KTN1: variants seen among roughly 807,000 people sequenced by gnomAD.
The protein encoded by KTN1 is kinectin 1.
KTN1 carries 130 observed loss-of-function variants against 222.5 expected under a neutral mutation model. The observed-to-expected ratio is 0.58, with a 90% confidence interval of 0.51 to 0.68. KTN1 has a LOEUF of 0.68. KTN1 is among the 30% of genes least tolerant of loss of function. The pLI is 0.00. For missense variants in KTN1, 1,508 were observed against 1,500.4 expected (o/e 1.01, Z -0.08); for synonymous variants, 512 against 496.3 (o/e 1.03, Z -0.42).
At chr14:55,677,627 T>C (rs944474324) in intron 41 of KTN1, among the ~76,000 whole-genome samples, 1 of 152,188 alleles carries the variant, frequency 6.6e-6, no homozygotes, top group Admixed American at 6.5e-5. Flanking sequence ...ATCCCAAAGC[T>C]TTTTTAGGGT....
intron 28 of KTN1, 72 bp downstream of exon 28, chr14:55,653,668 T>A: frequency 9.0e-7 from 1 of 1,115,608 alleles, no homozygotes; most frequent in East Asian, 2.4e-5. Flanking sequence ...TGCTTGAATA[T>A]AATGATGAGT....
intron 43 of KTN1, chr14:55,681,683 T>C (rs1015604493): frequency 1.3e-5 from 2 of 152,184 alleles, no homozygotes; most frequent in African/African-American, 4.8e-5. Flanking sequence ...AGTCCAAGTT[T>C]GGCAAGTGGG....
chr14:55,601,995 G>C (rs149817252), intron 1 of KTN1: 5 of 152,286 alleles, frequency 3.3e-5, no homozygotes, highest in African/African-American at 9.6e-5. Context: ...TGTGGCCTCT[G>C]AAGGTGCTGG....
At chr14:55,586,693 C>A (rs1394060932) in intron 1 of KTN1, among the ~76,000 whole-genome samples, 2 of 152,224 alleles carry the variant, frequency 1.3e-5, no homozygotes, top group African/African-American at 4.8e-5. Context: ...CCCTCCCCCC[C>A]ATAGGAATTA....
intron 17 of KTN1, 59 bp downstream of exon 17, chr14:55,641,267 T>A (rs2041773693): frequency 1.2e-5 from 12 of 960,664 alleles, no homozygotes; most frequent in Middle Eastern, 2.3e-4. Flanking sequence ...ACTTTTCAGT[T>A]GAGTGATTCC....
chr14:55,603,701 A>G (rs1463707820), intron 1 of KTN1, among the ~76,000 whole-genome samples: 2 of 152,184 alleles, frequency 1.3e-5, no homozygotes, highest in East Asian at 3.8e-4. Flanking sequence ...TTCCAAATTT[A>G]TATCTCCAGC....
chr14:55,650,453 T>C, intron 23 of KTN1, 35 bp downstream of exon 23: 1 of 1,556,092 alleles, frequency 6.4e-7, no homozygotes, highest in Non-Finnish European at 8.8e-7. Context: ...TTTATGTTTT[T>C]GTTTATCAAC....
intron 1 of KTN1, among the ~76,000 whole-genome samples, chr14:55,584,292 A>G (rs1429107206): frequency 6.6e-6 from 1 of 152,182 alleles, no homozygotes; most frequent in Non-Finnish European, 1.5e-5. Context: ...GCAGCTACAT[A>G]TCAGACACTG....
chr14:55,597,808 C>T lies in KTN1; in HGVS notation c.-30-14211C>T, dbSNP rs78791259. Among the ~76,000 whole-genome samples, 22 of 151,746 alleles carry T rather than the reference C, an allele frequency of 1.4e-4. No individual in the cohort carries two copies. In the East Asian group the frequency reaches 3.7e-3, roughly 25 times the overall value. The stretch of plus-strand genomic sequence containing the variant: ...GGGGGAGGATGCAGTGAGCTGAGAT[C>T]GTGCCACTGCATTCCAGTCTAGGCG... On this transcript the variant is annotated intron_variant, in intron 1 of 43. Transcript: ENST00000395314.
At chr14:55,648,903 CT>C (rs1445341426) in intron 21 of KTN1, 33 bp downstream of exon 21, 1 of 1,376,112 alleles carries the variant, frequency 7.3e-7, no homozygotes, top group Non-Finnish European at 1.0e-6. Context: ...TTCTTTGTCT[CT>C]GTGTTTTTTG....
Position 55,638,308 on chromosome 14 carries a change from A to G in KTN1, c.1785+461A>G, listed in dbSNP as rs116054180. Among the ~76,000 whole-genome samples the G allele has an allele frequency of 6.5e-3, 989 of 151,998 alleles. 11 individuals carry two copies. The highest frequency in any genetic ancestry group is 0.022 in the African/African-American group (929 of 41,548). The stretch of plus-strand genomic sequence containing the variant: ...CTCAGTTTAGTGACTCAGCCTTCCA[A>G]AGTTTTCAAGTGATAGTGTAAGACC... On this transcript the variant is annotated intron_variant, in intron 12 of 43. Coordinates refer to ENST00000395314, the MANE Select transcript of KTN1 (RefSeq NM_001079521.2).
At chr14:55,657,724 C>T (rs566116910) in intron 29 of KTN1, among the ~76,000 whole-genome samples, 48 of 151,952 alleles carry the variant, frequency 3.2e-4, no homozygotes, top group African/African-American at 1.2e-3. Flanking sequence ...CAAACATGGC[C>T]AACGTGGTGA....
intron 33 of KTN1, 132 bp downstream of exon 33, chr14:55,664,173 A>C: frequency 1.6e-6 from 1 of 609,098 alleles, no homozygotes; most frequent in East Asian, 3.0e-5. Context: ...TATCATCTCT[A>C]TCATCTCTGC....
intron 1 of KTN1, among the ~76,000 whole-genome samples, chr14:55,603,018 T>G (rs754202231): frequency 1.3e-5 from 2 of 152,220 alleles, no homozygotes; most frequent in Non-Finnish European, 2.9e-5. Context: ...GCTTTTATAT[T>G]CTTCCTTTAT....
chr14:55,601,048 G>T (rs1381113977), intron 1 of KTN1, among the ~76,000 whole-genome samples: 1 of 152,000 alleles, frequency 6.6e-6, no homozygotes, highest in Non-Finnish European at 1.5e-5. Context: ...CAGTTTCTTG[G>T]GAAAGCTGTT....
At chr14:55,671,501 A>G (rs1054459659) in intron 35 of KTN1, 65 bp from the exon 36 acceptor site, 21 of 1,213,268 alleles carry the variant, frequency 1.7e-5, no homozygotes, top group Non-Finnish European at 2.5e-5. Context: ...AAGTACTAAA[A>G]CAAACTTGAA....
rs376616924 is a variant in KTN1 at position 55,619,319 on chromosome 14, G to A, written c.963+7G>A. On this transcript the variant is annotated splice_region_variant and intron_variant, in intron 5 of 43. Coordinates refer to ENST00000395314, the MANE Select transcript of KTN1 (RefSeq NM_001079521.2). ...ACAAGATGCTTTAAAGAAGGTAAGC[G>A]TGTTTTTTGATTATGGGCATATTCA... The A allele has an allele frequency of 6.9e-5, 111 of 1,612,436 alleles. No individual in the cohort carries two copies. Among genetic ancestry groups the A allele is most frequent in the East Asian group, 8.9e-5 (4 of 44,790 alleles).
At chr14:55,602,772 G>A (rs2036173386) in intron 1 of KTN1, among the ~76,000 whole-genome samples, 1 of 152,032 alleles carries the variant, frequency 6.6e-6, no homozygotes. Context: ...GTAGAGACAG[G>A]GTTCTGCTAT....
At chr14:55,605,696 C>T (rs980942181) in intron 1 of KTN1, among the ~76,000 whole-genome samples, 5 of 152,180 alleles carry the variant, frequency 3.3e-5, no homozygotes, top group African/African-American at 1.2e-4. Flanking sequence ...TTTACTGCCT[C>T]ATTATATTGC....
Sources: gnomAD v4.1 joint callset for allele counts (sites outside exome capture counted in the v4.1 genomes callset) on GRCh38, gnomAD v4.1.1 for gene constraint, MANE v1.5 for transcripts, NCBI Gene and HGNC (gene_info 2026-07-23, HGNC 2026-07-21) for gene names.